Variants in ADAMTSL1 observed in about 807,000 individuals in gnomAD.
ADAMTSL1 encodes the protein ADAMTS-like protein 1.
A neutral mutation model predicts 201.8 loss-of-function variants in ADAMTSL1; 126 were observed. That is an observed-to-expected ratio of 0.62 (90% CI 0.54 to 0.72). The LOEUF (loss-of-function observed/expected upper bound fraction) is 0.72, where lower values mean the gene tolerates loss of function less well. Ranked by LOEUF, ADAMTSL1 falls within the 30% of genes least tolerant of loss-of-function variation. The pLI is 0.00. For synonymous variants in ADAMTSL1, 1,121 were observed against 903.4 expected (o/e 1.24, Z -4.32); for missense variants, 2,679 against 2,277.8 (o/e 1.18, Z -3.59).
chr9:18,807,963 C>T (rs1182469558), intron 20 of ADAMTSL1, among the ~76,000 whole-genome samples: 3 of 152,102 alleles, frequency 2.0e-5, no homozygotes, highest in Non-Finnish European at 4.4e-5. Flanking sequence ...ACGTGGCAGT[C>T]ATCACACAGC....
chr9:18,815,728 AAAAAAAAGAG>A (rs1330217370), intron 20 of ADAMTSL1, among the ~76,000 whole-genome samples: 13 of 150,926 alleles, frequency 8.6e-5, no homozygotes, highest in African/African-American at 2.9e-4. Context: ...AAAAAAAAAA[AAAAAAAAGAG>A]AAAAAAAAAA....
chr9:18,115,492 A>G (rs1825211689), intron 1 of ADAMTSL1, among the ~76,000 whole-genome samples: 1 of 152,200 alleles, frequency 6.6e-6, no homozygotes, highest in Admixed American at 6.5e-5. Flanking sequence ...TAAAAATTTG[A>G]GAAACACACA....
chr9:18,645,298 A>G (rs1345805373), intron 7 of ADAMTSL1, among the ~76,000 whole-genome samples: 3 of 152,232 alleles, frequency 2.0e-5, no homozygotes, highest in Non-Finnish European at 4.4e-5. Flanking sequence ...GCCCTTTGTC[A>G]GATGAGTAGA....
intron 2 of ADAMTSL1, among the ~76,000 whole-genome samples, chr9:18,341,055 C>A (rs1835446276): frequency 6.6e-6 from 1 of 152,084 alleles, no homozygotes; most frequent in Admixed American, 6.6e-5. Flanking sequence ...CTCTGCTGTT[C>A]TTAGGGTTTG....
At chr9:18,576,922 G>T (rs1421196667) in intron 4 of ADAMTSL1, among the ~76,000 whole-genome samples, 2 of 151,488 alleles carry the variant, frequency 1.3e-5, no homozygotes, top group Non-Finnish European at 2.9e-5. Flanking sequence ...TTTATATCTT[G>T]CCCAGAGACT....
chr9:18,126,263 G>A (rs1198600690), intron 1 of ADAMTSL1, among the ~76,000 whole-genome samples: 1 of 152,150 alleles, frequency 6.6e-6, no homozygotes, highest in East Asian at 1.9e-4. Context: ...GAACATGTTT[G>A]TGTACCCACC....
intron 1 of ADAMTSL1, among the ~76,000 whole-genome samples, chr9:17,954,468 T>C (rs1295004576): frequency 6.6e-6 from 1 of 152,198 alleles, no homozygotes; most frequent in Non-Finnish European, 1.5e-5. Context: ...TAGACTTCTA[T>C]TTCATTGCAT....
chr9:18,351,442 T>C (rs966206577), intron 2 of ADAMTSL1, among the ~76,000 whole-genome samples: 19 of 148,492 alleles, frequency 1.3e-4, no homozygotes, highest in South Asian at 6.4e-4. Flanking sequence ...AAAACCCCCT[T>C]TTTTTTTTAA....
At chr9:18,175,669 C>G (rs1034026669) in intron 2 of ADAMTSL1, among the ~76,000 whole-genome samples, 9 of 152,112 alleles carry the variant, frequency 5.9e-5, no homozygotes, top group Non-Finnish European at 1.0e-4. Flanking sequence ...TCCCTACTCT[C>G]TAGACTTTCC....
At chr9:18,398,663 C>T (rs908954029) in intron 2 of ADAMTSL1, among the ~76,000 whole-genome samples, 2 of 152,050 alleles carry the variant, frequency 1.3e-5, no homozygotes, top group Non-Finnish European at 1.5e-5. Context: ...CTGTCTAGAT[C>T]CCATTTATTC....
chr9:18,600,118 G>C (rs1824539856), intron 4 of ADAMTSL1, among the ~76,000 whole-genome samples: 1 of 151,962 alleles, frequency 6.6e-6, no homozygotes, highest in Non-Finnish European at 1.5e-5. Context: ...ACTCTTTGGG[G>C]CCTCTTTCAC....
At chr9:17,928,537 T>C (rs1385188735) in intron 1 of ADAMTSL1, among the ~76,000 whole-genome samples, 1 of 152,162 alleles carries the variant, frequency 6.6e-6, no homozygotes, top group Non-Finnish European at 1.5e-5. Flanking sequence ...CCTGCAAATA[T>C]TGACATTTTT....
chr9:18,113,939 G>A (rs1174925551), intron 1 of ADAMTSL1, among the ~76,000 whole-genome samples: 1 of 152,112 alleles, frequency 6.6e-6, no homozygotes, highest in East Asian at 1.9e-4. Context: ...AGAGAGTAGT[G>A]AAGGGTAAAG....
chr9:18,846,095 C>G (rs1364533952), intron 23 of ADAMTSL1, among the ~76,000 whole-genome samples: 6 of 152,144 alleles, frequency 3.9e-5, no homozygotes, highest in Non-Finnish European at 7.3e-5. Context: ...AAATACAAAC[C>G]TAGTCCTCAT....
chr9:18,578,499 A>C (rs1345904093), intron 4 of ADAMTSL1, among the ~76,000 whole-genome samples: 2 of 152,206 alleles, frequency 1.3e-5, no homozygotes, highest in African/African-American at 4.8e-5. Context: ...GTTAAAGACA[A>C]GAGGCTCTGG....
intron 2 of ADAMTSL1, among the ~76,000 whole-genome samples, chr9:18,258,926 A>G (rs1831804099): frequency 6.6e-6 from 1 of 152,100 alleles, no homozygotes; most frequent in African/African-American, 2.4e-5. Flanking sequence ...CCTTCATCTT[A>G]CCAAGTCCAG....
At chr9:18,878,785 G>A (rs1042561331) in intron 23 of ADAMTSL1, among the ~76,000 whole-genome samples, 1 of 152,208 alleles carries the variant, frequency 6.6e-6, no homozygotes, top group South Asian at 2.1e-4. Context: ...CTGAGTGGAA[G>A]CTGCAAGTTA....
intron 2 of ADAMTSL1, among the ~76,000 whole-genome samples, chr9:18,521,782 A>G (rs1489430186): frequency 1.3e-5 from 2 of 152,240 alleles, no homozygotes; most frequent in African/African-American, 2.4e-5. Flanking sequence ...TAAACACAGA[A>G]TAAAATGTAG....
At chr9:18,887,462 G>A (rs550172438) in intron 23 of ADAMTSL1, among the ~76,000 whole-genome samples, 11 of 152,022 alleles carry the variant, frequency 7.2e-5, no homozygotes, top group Middle Eastern at 3.4e-3. Flanking sequence ...CCAACATATC[G>A]TATTTGAAGA....
Sources: gnomAD v4.1 joint callset for allele counts (sites outside exome capture counted in the v4.1 genomes callset) on GRCh38, gnomAD v4.1.1 for gene constraint, MANE v1.5 for transcripts, NCBI Gene and HGNC (gene_info 2026-07-23, HGNC 2026-07-21) for gene names.